The following FAT3 variants were observed in gnomAD, a reference collection of about 807,000 sequenced individuals.
FAT3 encodes the protein protocadherin Fat 3.
FAT3 carries 95 observed loss-of-function variants against 310.2 expected under a neutral mutation model. The observed-to-expected ratio is 0.31, with a 90% CI of 0.26 to 0.36. The LOEUF is 0.36. Among genes scored for constraint, FAT3 ranks in the 10% least tolerant of loss-of-function variants. The pLI is 1.00. For synonymous variants in FAT3, 2,314 were observed against 2,192.9 expected, an observed-to-expected ratio of 1.06 and a Z score of -1.54; for missense variants, 5,408 against 5,715.6, an observed-to-expected ratio of 0.95 and a Z score of 1.74.
At chr11:92,673,456 C>G (rs1038799935) in intron 3 of FAT3, among the ~76,000 whole-genome samples, 19 of 152,228 alleles carry the variant, frequency 1.2e-4, no homozygotes, top group African/African-American at 4.3e-4. Flanking sequence ...CAGGCAAGTA[C>G]ATCAGCAATA....
intron 23 of FAT3, among the ~76,000 whole-genome samples, chr11:92,882,199 T>A (rs1949683840): frequency 6.6e-6 from 1 of 152,214 alleles, no homozygotes; most frequent in Non-Finnish European, 1.5e-5. Context: ...TTTATTTCTC[T>A]CATTTAGTGT....
intron 3 of FAT3, among the ~76,000 whole-genome samples, chr11:92,658,351 T>C (rs932007918): frequency 3.3e-5 from 5 of 152,246 alleles, no homozygotes; most frequent in African/African-American, 1.2e-4. Context: ...ACAAGTCGTC[T>C]TCTCAGTTAC....
intron 3 of FAT3, among the ~76,000 whole-genome samples, chr11:92,537,172 C>T (rs1355899113): frequency 1.3e-5 from 2 of 152,050 alleles, no homozygotes; most frequent in African/African-American, 4.8e-5. Context: ...GCTGGTTTTG[C>T]GAAATGACAT....
At chr11:92,791,908 A>G (rs968783635) in intron 8 of FAT3, among the ~76,000 whole-genome samples, 19 of 152,228 alleles carry the variant, frequency 1.2e-4, no homozygotes, top group Non-Finnish European at 2.1e-4. Flanking sequence ...GTGCTTCAGC[A>G]CTTTGAAGAA....
intron 2 of FAT3, chr11:92,403,283 A>G (rs143648521): frequency 2.6e-5 from 4 of 152,228 alleles, no homozygotes; most frequent in African/African-American, 9.6e-5. Context: ...TTTTTACTTT[A>G]CCCACTCTTC....
At chr11:92,398,674 G>C (rs1245076126) in intron 2 of FAT3, among the ~76,000 whole-genome samples, 1 of 152,018 alleles carries the variant, frequency 6.6e-6, no homozygotes, top group Admixed American at 6.6e-5. Context: ...CCCAGCTAGG[G>C]CTCCAACCTA....
chr11:92,584,366 C>T (rs1476793612), intron 3 of FAT3, among the ~76,000 whole-genome samples: 2 of 151,914 alleles, frequency 1.3e-5, no homozygotes, highest in South Asian at 2.1e-4. Flanking sequence ...ATGATTTATC[C>T]CTAATTCATA....
At chr11:92,829,773 A>T (rs910218927) in intron 13 of FAT3, among the ~76,000 whole-genome samples, 1 of 152,198 alleles carries the variant, frequency 6.6e-6, no homozygotes, top group African/African-American at 2.4e-5. Flanking sequence ...TGAAAAAGAA[A>T]TAAAAGTAAA....
chr11:92,278,312 C>G (rs1946330923), intron 1 of FAT3, among the ~76,000 whole-genome samples: 1 of 152,050 alleles, frequency 6.6e-6, no homozygotes, highest in African/African-American at 2.4e-5. Context: ...GGTTTGCTCC[C>G]TATAGAATGG....
In FAT3 at chr11:92,810,061, G is replaced by A. The variant is rs200513675; in HGVS notation, c.9466G>A (p.Val3156Met). The A allele has an allele frequency of 2.1e-5, 34 of 1,613,544 alleles. No individual in the cohort carries two copies. The highest frequency in any genetic ancestry group is 2.5e-5 in the Non-Finnish European group (30 of 1,179,778). Reference sequence around the variant, plus strand: ...GGCTCTGTTGACCAGAGTTCAAGCCGTGGACCCCGACATTGGTAAGTCAGT... The same window carrying A: ...GGCTCTGTTGACCAGAGTTCAAGCCATGGACCCCGACATTGGTAAGTCAGT... ...TKALLTRVQA[V>M]DPDIGINRKV... is the part of the protein sequence containing the mutation. The change falls in exon 13 of 28, where the codon GTG becomes ATG. Residue 3156 changes from valine (V) to methionine (M), a missense_variant. Physicochemically the swap from Val to Met is conservative, Grantham distance 21. Coordinates refer to ENST00000525166, the MANE Select transcript of FAT3 (RefSeq NM_001367949.2).
chr11:92,844,482 G>A lies in FAT3; in HGVS notation c.11115G>A (p.Val3705=), dbSNP rs1484291704. Residue 3705 remains valine, a synonymous_variant, in exon 19 of 28, where the codon GTG becomes GTA. Coordinates refer to ENST00000525166, the MANE Select transcript of FAT3 (RefSeq NM_001367949.2). Reference sequence around the variant, plus strand: ...ACCAACTGGACATGCTGTTTGCGGTGGAGATGCACAGCAGCGAGTTCTACA... The same window carrying A: ...ACCAACTGGACATGCTGTTTGCGGTAGAGATGCACAGCAGCGAGTTCTACA... The part of the protein sequence containing the change: ...GTNQLDMLFA[V]EMHSSEFYKP... 2 of 1,613,924 alleles carry A rather than the reference G, an allele frequency of 1.2e-6. No homozygotes were observed. The highest frequency in any genetic ancestry group is 2.2e-5 in the South Asian group (2 of 91,050).
At chr11:92,808,288 A>G (rs566515403) in intron 12 of FAT3, among the ~76,000 whole-genome samples, 92 of 152,308 alleles carry the variant, frequency 6.0e-4, no homozygotes, top group South Asian at 2.1e-3. Flanking sequence ...ACATAAGGGG[A>G]GCTATATCTG....
intron 3 of FAT3, among the ~76,000 whole-genome samples, chr11:92,619,469 C>T (rs1483463850): frequency 2.0e-5 from 3 of 152,088 alleles, no homozygotes; most frequent in Non-Finnish European, 4.4e-5. Context: ...AATTCACCAG[C>T]GAAGCCACCT....
intron 1 of FAT3, among the ~76,000 whole-genome samples, chr11:92,301,230 T>C (rs1217598545): frequency 6.6e-6 from 1 of 152,180 alleles, no homozygotes; most frequent in Non-Finnish European, 1.5e-5. Context: ...GGTTTTTCTC[T>C]TCTTCATGAT....
intron 2 of FAT3, among the ~76,000 whole-genome samples, chr11:92,396,727 A>G (rs1323243250): frequency 6.6e-6 from 1 of 151,760 alleles, no homozygotes; most frequent in Non-Finnish European, 1.5e-5. Flanking sequence ...TTTTTTTGAG[A>G]TGGACTTTCA....
In FAT3 at chr11:92,859,074, A is replaced by G. The variant is rs895682424; in HGVS notation, c.11501-91A>G. ...ACTTCTCATGCATGGTCTTTAATCAACTTGGTTGGTGGTTGTTGGGTGATT... is the reference window on the plus strand; with the variant it reads ...ACTTCTCATGCATGGTCTTTAATCAGCTTGGTTGGTGGTTGTTGGGTGATT... On this transcript the variant is annotated intron_variant, in intron 20 of 27. Transcript: ENST00000525166. 1.2e-5 allele frequency: 15 copies of G among 1,277,026 alleles called. No homozygotes were observed. In the East Asian group the frequency reaches 1.2e-4, roughly 10 times the overall value. The allele number at this position is 1,277,026 out of a possible 1,614,324, so 79.1% of individuals were successfully genotyped here.
At chr11:92,378,124 T>C (rs777711060) in intron 2 of FAT3, among the ~76,000 whole-genome samples, 25 of 152,354 alleles carry the variant, frequency 1.6e-4, no homozygotes, top group Non-Finnish European at 2.2e-4. Context: ...ATGTTCACTG[T>C]GTCATTGACC....
chr11:92,295,622 T>G (rs1946829208), intron 1 of FAT3, among the ~76,000 whole-genome samples: 1 of 152,120 alleles, frequency 6.6e-6, no homozygotes, highest in Non-Finnish European at 1.5e-5. Flanking sequence ...TGGCTTTTCC[T>G]CTCTTTTCTC....
intron 2 of FAT3, chr11:92,403,167 G>A (rs930961164): frequency 6.6e-6 from 1 of 152,302 alleles, no homozygotes; most frequent in African/African-American, 2.4e-5. Context: ...AATGAAGATG[G>A]ATATGGGGGG....
Sources: allele counts gnomAD v4.1 joint callset (sites outside exome capture counted in the v4.1 genomes callset), GRCh38; gene constraint gnomAD v4.1.1; transcripts MANE v1.5; gene names NCBI Gene and HGNC (gene_info 2026-07-23, HGNC 2026-07-21).